Variants in HEATR1 observed in about 807,000 individuals in gnomAD.
HEATR1 encodes the protein HEAT repeat-containing protein 1.
Under a neutral mutation model 248.2 loss-of-function variants are expected in HEATR1, and 77 were observed. The observed-to-expected ratio is 0.31, with a 90% confidence interval of 0.26 to 0.37. The LOEUF is 0.37. Ranked by LOEUF, HEATR1 falls within the 10% of genes least tolerant of loss-of-function variation. HEATR1 has a pLI of 1.00. For missense variants in HEATR1, 2,420 were observed against 2,504.9 expected (o/e 0.97, Z 0.72); for synonymous variants, 897 against 923.1 (o/e 0.97, Z 0.51).
chr1:236,554,284 CG>C (rs1306987617), intron 42 of HEATR1, among the ~76,000 whole-genome samples: 14 of 151,876 alleles, frequency 9.2e-5, no homozygotes, highest in Non-Finnish European at 1.5e-5. Context: ...CCCAGCTATT[CG>C]GGAGGCTGAG....
chr1:236,599,443 T>C, intron 4 of HEATR1, 40 bp downstream of exon 4: 1 of 1,548,052 alleles, frequency 6.5e-7, no homozygotes. Flanking sequence ...TTAATCAAGA[T>C]CTGTAATGAT....
rs747254483 is a variant in HEATR1 at position 236,558,505 on chromosome 1, G to A, written c.4936C>T (p.Pro1646Ser). ...TIVTRFLKLV[P>S]DLLAIVQRKK... Reference sequence around the variant, plus strand: ...CGCTGCACAATGGCCAAAAGGTCTGGAACCAGTTTTAGGAAACGGGTAACC... The same window carrying A: ...CGCTGCACAATGGCCAAAAGGTCTGAAACCAGTTTTAGGAAACGGGTAACC... The change falls in exon 36 of 45, where the codon CCA (proline) becomes TCA (serine). Residue 1646 changes from proline (P) to serine (S), a missense_variant. Transcript: ENST00000366582. 2 of 1,613,244 alleles carry A rather than the reference G, an allele frequency of 1.2e-6. No individual in the cohort carries two copies. Among genetic ancestry groups the A allele is most frequent in the Non-Finnish European group, 1.7e-6 (2 of 1,179,352 alleles).
intron 32 of HEATR1, among the ~76,000 whole-genome samples, chr1:236,563,616 T>C (rs548927025): frequency 2.6e-5 from 4 of 152,326 alleles, no homozygotes; most frequent in African/African-American, 9.6e-5. Flanking sequence ...TATTTCACTG[T>C]GAAATGTAAA....
chr1:236,595,954 C>A lies in HEATR1; in HGVS notation c.835G>T (p.Val279Leu), dbSNP rs1664167091. Reference protein sequence around the residue: ...SVKVTMENTFVNSLASQIIKT... With the variant: ...SVKVTMENTFLNSLASQIIKT... ...ATGATCTGTGATGCCAATGAATTCA[C>A]AAAGGTATTTTCCATGGTCACTTTC... Residue 279 changes from valine to leucine, a missense_variant, in exon 7 of 45, where the codon GTG becomes TTG. Transcript: ENST00000366582. 8 of 1,613,798 alleles carry A rather than the reference C, an allele frequency of 5.0e-6. No homozygotes were observed. In the Middle Eastern group the frequency reaches 6.6e-4, roughly 133 times the overall value.
intron 26 of HEATR1, among the ~76,000 whole-genome samples, chr1:236,572,159 C>T (rs1385140026): frequency 2.0e-5 from 3 of 152,112 alleles, no homozygotes; most frequent in African/African-American, 7.2e-5. Flanking sequence ...GTCCCAGGCA[C>T]GCTACTGAAA....
At chr1:236,586,481 A>T in intron 14 of HEATR1, 29 bp from the exon 15 acceptor site, 1 of 1,520,424 alleles carries the variant, frequency 6.6e-7, no homozygotes, top group Non-Finnish European at 9.1e-7. Flanking sequence ...CACTTGGTTG[A>T]AAGACACATT....
In HEATR1 at chr1:236,571,586, C is replaced by T. The variant is rs913171186; in HGVS notation, c.3808G>A (p.Gly1270Ser). The T allele has an allele frequency of 6.2e-7, 1 of 1,613,952 alleles. No homozygotes were observed. ...LNICQKLSPD[G>S]GKIPKDILDE... ...TACCTACCTTTGGGTATTTTGCCAC[C>T]ATCTGGAGATAGTTTTTGGCAGATG... The change falls in exon 27 of 45, where the codon GGT becomes AGT. Residue 1270 changes from glycine to serine, a missense_variant. Transcript: ENST00000366582.
At chr1:236,565,244 C>T (rs956493096) in intron 31 of HEATR1, among the ~76,000 whole-genome samples, 53 of 152,224 alleles carry the variant, frequency 3.5e-4, no homozygotes, top group African/African-American at 1.2e-3. Flanking sequence ...CTTAGAGTAC[C>T]TTCCTTCTAA....
chr1:236,553,398 C>G (rs1662841654), intron 43 of HEATR1, among the ~76,000 whole-genome samples, 183 bp downstream of exon 43: 1 of 152,176 alleles, frequency 6.6e-6, no homozygotes, highest in African/African-American at 2.4e-5. Flanking sequence ...AAGTAAAAAA[C>G]AAAATTTTCT....
intron 12 of HEATR1, among the ~76,000 whole-genome samples, chr1:236,588,653 A>T (rs1663955707): frequency 6.6e-6 from 1 of 152,254 alleles, no homozygotes; most frequent in Non-Finnish European, 1.5e-5. Flanking sequence ...CATTTTTTAA[A>T]TATAACAAAT....
At chr1:236,596,532 C>T (rs561378642) in intron 6 of HEATR1, among the ~76,000 whole-genome samples, 8 of 152,284 alleles carry the variant, frequency 5.3e-5, no homozygotes, top group East Asian at 1.9e-4. Flanking sequence ...AGGTTGCTTA[C>T]GCCTCAAAGA....
At chr1:236,580,502 T>C (rs566824555) in intron 20 of HEATR1, among the ~76,000 whole-genome samples, 30 of 148,070 alleles carry the variant, frequency 2.0e-4, no homozygotes, top group African/African-American at 7.2e-4. Flanking sequence ...ACCAGAAATA[T>C]GTATAGATGT....
chr1:236,576,289 CTAAG>C lies in HEATR1; in HGVS notation c.3010_3013del (p.Leu1004ValfsTer10), dbSNP rs985681940. 1.2e-6 allele frequency: 2 copies of C among 1,612,112 alleles called. No homozygotes were observed. Among genetic ancestry groups the C allele is most frequent in the Non-Finnish European group, 1.7e-6 (2 of 1,179,190 alleles). On this transcript the variant is annotated frameshift_variant, in exon 22 of 45. Transcript: ENST00000366582. LOFTEE classifies it high-confidence loss of function. Reference sequence around the variant, plus strand: ...ATAAGATGGGCAACTATACACACAACTAAGTAAGTTTTTCAAAGTTTCAGACAAC... The same window carrying C: ...ATAAGATGGGCAACTATACACACAACTAAGTTTTTCAAAGTTTCAGACAAC...
rs1664153678 is a variant in HEATR1 at position 236,595,521 on chromosome 1, A to C, written c.1090+19T>G. On this transcript the variant is annotated intron_variant, in intron 8 of 44. Coordinates refer to ENST00000366582, the MANE Select transcript of HEATR1 (RefSeq NM_018072.6). ...CAAATCTTAGAAAATTTCTGGACAA[A>C]AAATATAAAACCACACACCTGTAAC... The C allele has an allele frequency of 6.3e-7, 1 of 1,585,376 alleles. No homozygotes were observed. Among genetic ancestry groups the C allele is most frequent in the Non-Finnish European group, 8.6e-7 (1 of 1,167,890 alleles).
intron 4 of HEATR1, among the ~76,000 whole-genome samples, chr1:236,599,064 T>C (rs1664250200): frequency 6.6e-6 from 1 of 152,238 alleles, no homozygotes; most frequent in Non-Finnish European, 1.5e-5. Flanking sequence ...TTTTTGTAAG[T>C]ATTTTCTGCC....
At chr1:236,565,266 G>A (rs1355248960) in intron 31 of HEATR1, among the ~76,000 whole-genome samples, 1 of 152,160 alleles carries the variant, frequency 6.6e-6, no homozygotes, top group East Asian at 1.9e-4. Context: ...GTGCCTTGTC[G>A]TTCTGCTTCG....
In HEATR1 at chr1:236,582,733, T is replaced by C. The variant is rs764791866; in HGVS notation, c.2562+3A>G. ...GTACGCCTGAAAAGGAGGAGGCTTGTACCTTTATGAAAAGTTTCATCAGAA... is the reference window on the plus strand; with the variant it reads ...GTACGCCTGAAAAGGAGGAGGCTTGCACCTTTATGAAAAGTTTCATCAGAA... On this transcript the variant is annotated splice_donor_region_variant and intron_variant, in intron 19 of 44. Transcript: ENST00000366582. 2 of 1,614,154 alleles carry C rather than the reference T, an allele frequency of 1.2e-6. No homozygotes were observed. The highest frequency in any genetic ancestry group is 1.7e-6 in the Non-Finnish European group (2 of 1,179,992).
intron 33 of HEATR1, among the ~76,000 whole-genome samples, chr1:236,560,040 G>T (rs1369638349): frequency 6.8e-6 from 1 of 146,338 alleles, no homozygotes; most frequent in Non-Finnish European, 1.5e-5. Flanking sequence ...AGGCGCTTCT[G>T]TGCAGAAGCA....
rs780133304 is a variant in HEATR1 at position 236,576,755 on chromosome 1, C to T, written c.2925+25G>A. 3.1e-6 allele frequency: 5 copies of T among 1,594,814 alleles called. No individual in the cohort carries two copies. In the South Asian group the frequency reaches 3.4e-5, roughly 11 times the overall value. On this transcript the variant is annotated intron_variant, in intron 21 of 44. Transcript: ENST00000366582. ...CAGTACACAGAGGCATGAACACACT[C>T]AATCTTCTTTGCTAACGAGCTTACC...
Sources: allele counts gnomAD v4.1 joint callset (sites outside exome capture counted in the v4.1 genomes callset), GRCh38; gene constraint gnomAD v4.1.1; transcripts MANE v1.5; gene names NCBI Gene and HGNC (gene_info 2026-07-23, HGNC 2026-07-21).